Variants in CCDC126 observed in about 807,000 individuals in gnomAD.
CCDC126 encodes coiled-coil domain containing 126.
A neutral mutation model predicts 11.7 loss-of-function variants in CCDC126; 5 were observed. That is an observed-to-expected ratio of 0.43 (90% CI 0.22 to 0.90). The LOEUF is 0.90. CCDC126 is among the 40% of genes least tolerant of loss of function. The pLI is 0.27. For missense variants in CCDC126, 150 were observed against 163.1 expected (o/e 0.92, Z 0.44); for synonymous variants, 60 against 61.9 (o/e 0.97, Z 0.14).
At chr7:23,625,149 T>C (rs916033104) in intron 3 of CCDC126, among the ~76,000 whole-genome samples, 1 of 152,236 alleles carries the variant, frequency 6.6e-6, no homozygotes, top group African/African-American at 2.4e-5. Flanking sequence ...TGGCCTATTA[T>C]CTCATTTTAT....
At chr7:23,609,987 C>T (rs1247700233) in intron 2 of CCDC126, among the ~76,000 whole-genome samples, 4 of 152,150 alleles carry the variant, frequency 2.6e-5, no homozygotes, top group African/African-American at 7.2e-5. Flanking sequence ...GAATTTTGCT[C>T]CATTTGATGT....
chr7:23,641,016 GGT>G (rs1280736939), intron 3 of CCDC126, among the ~76,000 whole-genome samples: 5 of 43,428 alleles, frequency 1.2e-4, no homozygotes, highest in African/African-American at 3.4e-4. Flanking sequence ...TTTTTTTTTT[GGT>G]ATATACCTAG....
intron 3 of CCDC126, among the ~76,000 whole-genome samples, chr7:23,629,725 A>AGG (rs375854265): frequency 4.2e-4 from 1 of 2,404 alleles, no homozygotes; most frequent in Non-Finnish European, 8.0e-4. Flanking sequence ...TGGAGGGGAC[A>AGG]GGAAAGAATC....
chr7:23,638,712 TAAAAAAAAAAAAA>T (rs1783290852), intron 3 of CCDC126, among the ~76,000 whole-genome samples: 2 of 44,428 alleles, frequency 4.5e-5, no homozygotes, highest in Non-Finnish European at 8.8e-5. Context: ...GAATGATCAA[TAAAAAAAAAAAAA>T]TTAAAAAAAA....
At chr7:23,622,438 AT>A in intron 3 of CCDC126, 1 of 371,004 alleles carries the variant, frequency 2.7e-6, no homozygotes. Flanking sequence ...CTCCTTTATC[AT>A]TTTTTATTGC....
intron 3 of CCDC126, among the ~76,000 whole-genome samples, chr7:23,614,401 C>G (rs1031798224): frequency 1.3e-5 from 2 of 152,328 alleles, no homozygotes; most frequent in African/African-American, 4.8e-5. Context: ...GGCTCTACTT[C>G]TCATTCTGCA....
At chr7:23,642,159 A>C (rs1163888228) in intron 3 of CCDC126, among the ~76,000 whole-genome samples, 2 of 151,946 alleles carry the variant, frequency 1.3e-5, no homozygotes, top group Non-Finnish European at 2.9e-5. Flanking sequence ...CCACGGGCGC[A>C]TGCCACCAGG....
chr7:23,597,843 C>T (rs1184171030), intron 1 of CCDC126, 124 bp from the exon 2 acceptor site: 2 of 152,236 alleles, frequency 1.3e-5, no homozygotes, highest in East Asian at 3.9e-4. Flanking sequence ...CGCGGCGCCT[C>T]GGCTCGGGCG....
chr7:23,597,694 C>G (rs894787979), intron 1 of CCDC126, 89 bp downstream of exon 1: 7 of 152,798 alleles, frequency 4.6e-5, no homozygotes, highest in East Asian at 1.9e-4. Flanking sequence ...CGCCGCGCCC[C>G]CGTCCCCGGT....
chr7:23,643,103 C>T lies in CCDC126; in HGVS notation c.411C>T (p.Gly137=). ...VTTNKRTNVS[G]SIR ...CAAATAAAAGAACGAATGTCTCGGG[C>T]AGTATCAGATAGCAGTTGAAAATCA... The change falls in exon 4 of 4, where the codon GGC becomes GGT. Residue 137 remains glycine (G), a synonymous_variant. Coordinates refer to ENST00000307471, the MANE Select transcript of CCDC126 (RefSeq NM_138771.4). The T allele has an allele frequency of 1.2e-6, 2 of 1,613,662 alleles. No individual in the cohort carries two copies. Among genetic ancestry groups the T allele is most frequent in the Non-Finnish European group, 1.7e-6 (2 of 1,179,748 alleles).
chr7:23,614,310 C>T, intron 3 of CCDC126, among the ~76,000 whole-genome samples: 1 of 152,176 alleles, frequency 6.6e-6, no homozygotes, highest in East Asian at 1.9e-4. Flanking sequence ...CAAAAAACTA[C>T]TTTCTTTGCT....
intron 2 of CCDC126, among the ~76,000 whole-genome samples, chr7:23,607,889 G>A (rs969079218): frequency 3.9e-5 from 6 of 152,180 alleles, no homozygotes; most frequent in Non-Finnish European, 8.8e-5. Flanking sequence ...TTCTTATAAA[G>A]GGTTGCAACC....
chr7:23,615,135 A>G (rs150101451), intron 3 of CCDC126, among the ~76,000 whole-genome samples: 6 of 152,348 alleles, frequency 3.9e-5, no homozygotes, highest in African/African-American at 1.2e-4. Context: ...TTTGTTACTT[A>G]GTATAGCCAC....
At chr7:23,601,198 A>G (rs1782536062) in intron 2 of CCDC126, among the ~76,000 whole-genome samples, 1 of 152,202 alleles carries the variant, frequency 6.6e-6, no homozygotes, top group African/African-American at 2.4e-5. Context: ...AGCCTGGGCA[A>G]CATAGTGAGA....
chr7:23,635,857 C>A (rs1783199215), intron 3 of CCDC126, among the ~76,000 whole-genome samples: 1 of 151,612 alleles, frequency 6.6e-6, no homozygotes, highest in Non-Finnish European at 1.5e-5. Context: ...TGAGTTAAGA[C>A]TGTCCCCTGC....
chr7:23,621,811 G>A (rs957303305), intron 3 of CCDC126, among the ~76,000 whole-genome samples: 8 of 152,100 alleles, frequency 5.3e-5, no homozygotes, highest in Non-Finnish European at 8.8e-5. Context: ...ATTTTGTCAA[G>A]GGCCTTTTCT....
intron 2 of CCDC126, among the ~76,000 whole-genome samples, chr7:23,604,658 A>G (rs1782591835): frequency 6.6e-6 from 1 of 152,150 alleles, no homozygotes. Context: ...TTAGGGAGAT[A>G]AAATAACTTT....
chr7:23,611,712 T>C (rs998060134), intron 3 of CCDC126, among the ~76,000 whole-genome samples, 159 bp downstream of exon 3: 2 of 152,252 alleles, frequency 1.3e-5, no homozygotes, highest in Non-Finnish European at 2.9e-5. Context: ...AGAGATACTA[T>C]GATAAATACG....
chr7:23,623,695 G>A (rs1404541543), intron 3 of CCDC126, among the ~76,000 whole-genome samples: 1 of 152,056 alleles, frequency 6.6e-6, no homozygotes, highest in African/African-American at 2.4e-5. Context: ...ACAGTGTGGT[G>A]CATATACTTA....
Sources: allele counts gnomAD v4.1 joint callset (sites outside exome capture counted in the v4.1 genomes callset), GRCh38; gene constraint gnomAD v4.1.1; transcripts MANE v1.5; gene names NCBI Gene and HGNC (gene_info 2026-07-23, HGNC 2026-07-21).